GJB6: variants seen among roughly 807,000 people sequenced by gnomAD.
GJB6 encodes gap junction protein beta 6.
Under a neutral mutation model 5.4 loss-of-function variants are expected in GJB6, and 5 were observed. That is an observed-to-expected ratio of 0.92 (90% CI 0.48 to 1.93). The LOEUF (loss-of-function observed/expected upper bound fraction) is 1.93. Among genes scored for constraint, GJB6 ranks in the 30% most tolerant of loss-of-function variants. The probability of loss-of-function intolerance (pLI) is 0.01; values close to 1 mark genes in which losing one functional copy is unlikely to be tolerated. For missense variants in GJB6, 298 were observed against 326.9 expected, an observed-to-expected ratio of 0.91 and a Z score of 0.68; for synonymous variants, 136 against 129.6, an observed-to-expected ratio of 1.05 and a Z score of -0.34.
At chr13:20,228,566 C>A (rs1324705185) in intron 4 of GJB6, among the ~76,000 whole-genome samples, 8 of 151,442 alleles carry the variant, frequency 5.3e-5, no homozygotes, top group African/African-American at 1.9e-4. Context: ...TCACTGCAAG[C>A]TCCGCCTCCC....
intron 4 of GJB6, among the ~76,000 whole-genome samples, chr13:20,224,870 T>C (rs1257717074): frequency 6.6e-6 from 1 of 152,088 alleles, no homozygotes; most frequent in Non-Finnish European, 1.5e-5. Context: ...TATCCCTGAG[T>C]GGGTGAGGGA....
Position 20,222,709 on chromosome 13 carries a change from C to A in GJB6, c.772G>T (p.Gly258Cys). The A allele has an allele frequency of 6.2e-7, 1 of 1,614,062 alleles. No homozygotes were observed. The highest frequency in any genetic ancestry group is 8.5e-7 in the Non-Finnish European group (1 of 1,179,940). ...CCTTGAAATGTTTAGCTTGGGAAAC[C>A]TGTGATTGCATTTTGACCACTATCT... ...ISDSGQNAIT[G>C]FPS Residue 258 changes from glycine to cysteine, a missense_variant, in exon 5 of 5, where the codon GGT (glycine) becomes TGT (cysteine). Transcript: ENST00000647029.
chr13:20,224,597 A>T (rs910570445), intron 4 of GJB6, among the ~76,000 whole-genome samples: 2 of 152,206 alleles, frequency 1.3e-5, no homozygotes, highest in Admixed American at 1.3e-4. Flanking sequence ...CTCTATCCCG[A>T]GAGAAAAAGG....
At chr13:20,228,030 T>A (rs959846357) in intron 4 of GJB6, among the ~76,000 whole-genome samples, 5 of 152,218 alleles carry the variant, frequency 3.3e-5, no homozygotes, top group Non-Finnish European at 5.9e-5. Flanking sequence ...AGGTTCTCCC[T>A]TGTAAAAACA....
chr13:20,223,154 T>C lies in GJB6; in HGVS notation c.327A>G (p.Gly109=). The C allele has an allele frequency of 6.2e-7, 1 of 1,613,900 alleles. No individual in the cohort carries two copies. Among genetic ancestry groups the C allele is most frequent in the Non-Finnish European group, 8.5e-7 (1 of 1,179,792 alleles). ...RHETTRKFRR[G]EKRNDFKDIE... ...TGTCTTTGAAATCATTCCTCTTCTCTCCTCGCCTGAACTTGCGAGTGGTTT... is the reference window on the plus strand; with the variant it reads ...TGTCTTTGAAATCATTCCTCTTCTCCCCTCGCCTGAACTTGCGAGTGGTTT... The change falls in exon 5 of 5, where the codon GGA becomes GGG. Residue 109 remains glycine, a synonymous_variant. Coordinates refer to ENST00000647029, the MANE Select transcript of GJB6 (RefSeq NM_001110219.3).
intron 4 of GJB6, among the ~76,000 whole-genome samples, chr13:20,228,482 TTTTG>T (rs1209969309): frequency 3.1e-5 from 4 of 130,102 alleles, no homozygotes; most frequent in Non-Finnish European, 3.2e-5. Flanking sequence ...TGTTTTTTGT[TTTTG>T]TTTTTTGTTT....
intron 4 of GJB6, among the ~76,000 whole-genome samples, chr13:20,226,386 T>C (rs909602282): frequency 7.6e-4 from 115 of 152,050 alleles, no homozygotes; most frequent in Non-Finnish European, 7.5e-4. Context: ...GAGTGTCTGC[T>C]GGGGTAATGC....
At chr13:20,228,572 C>T (rs1323058686) in intron 4 of GJB6, among the ~76,000 whole-genome samples, 8 of 151,346 alleles carry the variant, frequency 5.3e-5, no homozygotes, top group Admixed American at 2.0e-4. Context: ...CAAGCTCCGC[C>T]TCCCGGGTTC....
At chr13:20,225,021 G>T (rs765362062) in intron 4 of GJB6, among the ~76,000 whole-genome samples, 1 of 152,198 alleles carries the variant, frequency 6.6e-6, no homozygotes, top group Non-Finnish European at 1.5e-5. Context: ...GGAGTGCCTT[G>T]GCCTCAGAGT....
chr13:20,225,192 C>G (rs548484993), intron 4 of GJB6: 4 of 152,224 alleles, frequency 2.6e-5, no homozygotes, highest in East Asian at 1.9e-4. Flanking sequence ...CCATTCCCCC[C>G]TCCCCAGCCC....
chr13:20,224,254 T>C (rs1050346742), intron 4 of GJB6, among the ~76,000 whole-genome samples: 16 of 152,308 alleles, frequency 1.1e-4, no homozygotes, highest in African/African-American at 3.6e-4. Flanking sequence ...CATATTCTAG[T>C]TTACCCAACA....
chr13:20,226,976 T>C (rs1242353125), intron 4 of GJB6, among the ~76,000 whole-genome samples: 6 of 152,100 alleles, frequency 3.9e-5, no homozygotes, highest in Admixed American at 3.9e-4. Context: ...TTCTAGGAAG[T>C]AAACAGATCA....
chr13:20,231,052 A>G (rs1302008223), intron 2 of GJB6: 1 of 152,382 alleles, frequency 6.6e-6, no homozygotes, highest in Non-Finnish European at 1.5e-5. Flanking sequence ...CAACACCCCC[A>G]AAGACGCTGC....
intron 4 of GJB6, among the ~76,000 whole-genome samples, chr13:20,226,438 A>C (rs1869584714): frequency 6.6e-6 from 1 of 152,200 alleles, no homozygotes; most frequent in Non-Finnish European, 1.5e-5. Flanking sequence ...GCGTTCCATA[A>C]TTAAAGTGTA....
At position 20,231,707 on chromosome 13, in the gene GJB6, C is replaced by T. The variant is rs534091650; in HGVS notation, c.-419-202G>A. Among the ~76,000 whole-genome samples, 18 of 152,330 alleles carry T rather than the reference C, an allele frequency of 1.2e-4. No individual in the cohort carries two copies. The South Asian group carries it at 3.7e-3, about 32-fold the overall frequency. ...TCTTCTCCCCAAATCCAAGGGGACA[C>T]CCCGGTGACCCACAAAAGCTTAGAA... On this transcript the variant is annotated intron_variant, in intron 1 of 4. Transcript: ENST00000647029.
intron 1 of GJB6, among the ~76,000 whole-genome samples, 169 bp from the exon 2 acceptor site, chr13:20,231,674 C>T (rs986363219): frequency 6.6e-6 from 1 of 152,198 alleles, no homozygotes; most frequent in Non-Finnish European, 1.5e-5. Context: ...GCATCCTAGA[C>T]CTGGCTTTCT....
chr13:20,222,732 T>A lies in GJB6; in HGVS notation c.749A>T (p.Asp250Val), dbSNP rs758113938. The A allele has an allele frequency of 1.9e-6, 3 of 1,614,166 alleles. No homozygotes were observed. Among genetic ancestry groups the A allele is most frequent in the South Asian group, 2.2e-5 (2 of 91,084 alleles). ...KQNEMNELIS[D>V]SGQNAITGFP... is the part of the protein sequence containing the mutation. ...ACCTGTGATTGCATTTTGACCACTA[T>A]CTGAAATCAGCTCATTCATTTCATT... The change falls in exon 5 of 5, where the codon GAT becomes GTT. Residue 250 changes from aspartate to valine, a missense_variant. Asp to Val is a radical substitution (Grantham distance 152). Transcript: ENST00000647029.
intron 3 of GJB6, 67 bp from the exon 4 acceptor site, chr13:20,229,816 T>A (rs1246444248): frequency 1.2e-4 from 5 of 42,746 alleles, no homozygotes; most frequent in African/African-American, 4.4e-4. Flanking sequence ...CCCCCCGCAA[T>A]ATGTCCCCTG....
At position 20,223,538 on chromosome 13, in the gene GJB6, C is replaced by G. The variant is rs896026064; in HGVS notation, c.-15-43G>C. 3.0e-5 allele frequency: 45 copies of G among 1,489,448 alleles called. No homozygotes were observed. In the African/African-American group the frequency reaches 5.4e-4, roughly 18 times the overall value. The allele number at this position is 1,489,448 out of a possible 1,614,324, so 92.3% of individuals were successfully genotyped here. A position where few individuals can be genotyped will look rare whatever the true frequency, so the allele number is the denominator to read the frequency against. ...GGCAAAGGTTTATTAGTGGAAGAGG[C>G]CTTGGGAAAGTGACACGGTGATATT... On this transcript the variant is annotated intron_variant, in intron 4 of 4. Coordinates refer to ENST00000647029, the MANE Select transcript of GJB6 (RefSeq NM_001110219.3).
Sources: allele counts gnomAD v4.1 joint callset (sites outside exome capture counted in the v4.1 genomes callset), GRCh38; gene constraint gnomAD v4.1.1; transcripts MANE v1.5; gene names NCBI Gene and HGNC (gene_info 2026-07-23, HGNC 2026-07-21).